ADGB: variants seen among roughly 807,000 people sequenced by gnomAD.
The protein encoded by ADGB is androglobin.
A neutral mutation model predicts 210.5 loss-of-function variants in ADGB; 172 were observed. The observed-to-expected ratio is 0.82, with a 90% CI of 0.72 to 0.93. ADGB has a LOEUF of 0.93. Among genes scored for constraint, ADGB ranks in the 40% least tolerant of loss-of-function variants. The pLI is 0.00. For missense variants in ADGB, 2,025 were observed against 1,964.8 expected, an observed-to-expected ratio of 1.03 and a Z score of -0.58; for synonymous variants, 658 against 662.7, an observed-to-expected ratio of 0.99 and a Z score of 0.11.
chr6:146,681,365 C>T (rs1361738501), intron 9 of ADGB, among the ~76,000 whole-genome samples: 3 of 152,078 alleles, frequency 2.0e-5, no homozygotes, highest in African/African-American at 4.8e-5. Context: ...TGAGGCCTCC[C>T]CAGAAACAGA....
At position 146,794,276 on chromosome 6, in the gene ADGB, A is replaced by G. The variant is rs1778003328; in HGVS notation, c.4537+5666A>G. On this transcript the variant is annotated intron_variant, in intron 33 of 35. Transcript: ENST00000397944. The stretch of plus-strand genomic sequence containing the variant: ...ACAGAACTGGTTGTGTATGTTAAAA[A>G]GGTTGTGAGTTTATTGTTTTCATTT... 1.3e-5 allele frequency among the ~76,000 whole-genome samples: 2 copies of G among 152,112 alleles called. 1 individual carries two copies. Among genetic ancestry groups the G allele is most frequent in the South Asian group, 4.1e-4 (2 of 4,820 alleles).
intron 26 of ADGB, among the ~76,000 whole-genome samples, chr6:146,748,551 C>T (rs1378741594): frequency 6.6e-6 from 1 of 152,160 alleles, no homozygotes; most frequent in African/African-American, 2.4e-5. Flanking sequence ...CTGCCAACAT[C>T]TTCACGTGGT....
intron 2 of ADGB, among the ~76,000 whole-genome samples, chr6:146,637,868 C>T (rs1775447520): frequency 6.6e-6 from 1 of 151,906 alleles, no homozygotes; most frequent in Admixed American, 6.6e-5. Context: ...GAAGGAGACA[C>T]TCCTCCCCAA....
intron 2 of ADGB, among the ~76,000 whole-genome samples, chr6:146,637,633 ACCAAATCCTGAAAC>A (rs1160781884): frequency 6.6e-6 from 1 of 152,032 alleles, no homozygotes; most frequent in African/African-American, 2.4e-5. Context: ...CACCAGCCCT[ACCAAATCCTGAAAC>A]CCAGTGTTGA....
chr6:146,616,358 G>T (rs55969581), intron 1 of ADGB, among the ~76,000 whole-genome samples: 1,504 of 148,474 alleles, frequency 0.01, 30 homozygotes, highest in African/African-American at 0.034. Context: ...GAATATTTTT[G>T]CCCCTTCTGT....
intron 16 of ADGB, among the ~76,000 whole-genome samples, chr6:146,719,817 G>C (rs780228902): frequency 3.9e-5 from 6 of 152,046 alleles, no homozygotes; most frequent in Admixed American, 6.5e-5. Flanking sequence ...CAAGTCCAAG[G>C]GTCCTTCATA....
intron 27 of ADGB, among the ~76,000 whole-genome samples, chr6:146,763,144 A>G (rs1166939836): frequency 6.6e-6 from 1 of 152,200 alleles, no homozygotes; most frequent in African/African-American, 2.4e-5. Context: ...AGGTGCTTGC[A>G]GGCAGAAATC....
chr6:146,795,968 G>A (rs1234008159), intron 33 of ADGB, among the ~76,000 whole-genome samples: 1 of 151,992 alleles, frequency 6.6e-6, no homozygotes, highest in Non-Finnish European at 1.5e-5. Context: ...CATCCAAAAA[G>A]CTCCTAGATC....
intron 24 of ADGB, 59 bp downstream of exon 24, chr6:146,740,652 T>C (rs931080808): frequency 3.3e-5 from 49 of 1,490,914 alleles, no homozygotes; most frequent in Non-Finnish European, 3.7e-5. Context: ...TCTGTATTTA[T>C]GAATATTTCT....
intron 32 of ADGB, among the ~76,000 whole-genome samples, chr6:146,787,302 C>T (rs928889861): frequency 5.3e-5 from 8 of 152,158 alleles, no homozygotes; most frequent in African/African-American, 9.7e-5. Context: ...AAGTCCTCCT[C>T]GTTTGTTTCC....
intron 5 of ADGB, among the ~76,000 whole-genome samples, chr6:146,661,220 CTTTTT>C (rs5880682): frequency 8.6e-6 from 1 of 116,068 alleles, no homozygotes; most frequent in Non-Finnish European, 1.7e-5. Context: ...TTCTTTTTTT[CTTTTT>C]TTTTTTTTTT....
intron 35 of ADGB, among the ~76,000 whole-genome samples, chr6:146,807,228 C>T (rs1176563300): frequency 6.6e-6 from 1 of 152,074 alleles, no homozygotes; most frequent in Non-Finnish European, 1.5e-5. Context: ...CCCTTTGTTG[C>T]TATGTTTTGT....
chr6:146,635,049 T>C (rs1775392225), intron 1 of ADGB, among the ~76,000 whole-genome samples: 1 of 152,078 alleles, frequency 6.6e-6, no homozygotes, highest in Non-Finnish European at 1.5e-5. Flanking sequence ...GGATTCTATA[T>C]ATCAGTCTGA....
intron 25 of ADGB, among the ~76,000 whole-genome samples, chr6:146,741,876 A>G (rs970161585): frequency 6.6e-6 from 1 of 152,192 alleles, no homozygotes; most frequent in African/African-American, 2.4e-5. Flanking sequence ...GAATCACAAC[A>G]AATGATAATG....
At chr6:146,711,210 T>C (rs1028700074) in intron 13 of ADGB, among the ~76,000 whole-genome samples, 1 of 152,244 alleles carries the variant, frequency 6.6e-6, no homozygotes, top group Non-Finnish European at 1.5e-5. Context: ...ACACAAGGTT[T>C]TATACAAGCA....
Position 146,769,100 on chromosome 6 carries a change from A to G in ADGB, c.3831A>G (p.Ala1277=). 3 of 1,526,856 alleles carry G rather than the reference A, an allele frequency of 2.0e-6. No homozygotes were observed. The highest frequency in any genetic ancestry group is 2.7e-6 in the Non-Finnish European group (3 of 1,129,586). The allele number at this position is 1,526,856 out of a possible 1,614,324, so 94.6% of individuals were successfully genotyped here. Residue 1277 remains alanine (A), a synonymous_variant, in exon 29 of 36, where the codon GCA becomes GCG. Transcript: ENST00000397944. ...AAAGCCAGCTGACATTTGTTCAAGC[A>G]CTGAAAGACTTAAAGAAAAGTAATA... ...LTESQLTFVQ[A]LKDLKKSNTK...
At chr6:146,760,377 C>A (rs1183275127) in intron 27 of ADGB, among the ~76,000 whole-genome samples, 1 of 151,766 alleles carries the variant, frequency 6.6e-6, no homozygotes, top group African/African-American at 2.4e-5. Flanking sequence ...TTGACACCGG[C>A]TTCTTTTGCT....
In ADGB at chr6:146,666,845, G is replaced by C; in HGVS notation, c.782G>C (p.Gly261Ala). The change falls in exon 7 of 36, where the codon GGG becomes GCG. Residue 261 changes from glycine to alanine, a missense_variant. Physicochemically the swap from Gly to Ala is moderately conservative, Grantham distance 60. Coordinates refer to ENST00000397944, the MANE Select transcript of ADGB (RefSeq NM_024694.4). Reference sequence around the variant, plus strand: ...CATGTAGCAGACAGGAGAGAGCTGGGGGAGTTCACGGTTATTCATGCGCTC... The same window carrying C: ...CATGTAGCAGACAGGAGAGAGCTGGCGGAGTTCACGGTTATTCATGCGCTC... ...DIHVADRREL[G>A]EFTVIHALTG... 1.9e-6 allele frequency: 3 copies of C among 1,548,500 alleles called. No individual in the cohort carries two copies. Among genetic ancestry groups the C allele is most frequent in the Non-Finnish European group, 2.6e-6 (3 of 1,144,602 alleles).
At chr6:146,807,779 A>T in intron 35 of ADGB, 1 of 429,732 alleles carries the variant, frequency 2.3e-6, no homozygotes, top group Non-Finnish European at 4.0e-6. Context: ...AAGATGCTCT[A>T]ATTTCAATAA....
Sources: allele counts gnomAD v4.1 joint callset (sites outside exome capture counted in the v4.1 genomes callset), GRCh38; gene constraint gnomAD v4.1.1; transcripts MANE v1.5; gene names NCBI Gene and HGNC (gene_info 2026-07-23, HGNC 2026-07-21).